The following EBF1 variants were observed in gnomAD, a reference collection of about 807,000 sequenced individuals.
EBF1 encodes the protein transcription factor COE1.
Under a neutral mutation model 68.4 loss-of-function variants are expected in EBF1, and 10 were observed. The ratio of observed to expected loss-of-function variants is 0.15; its 90% CI spans 0.09 to 0.25. The LOEUF (loss-of-function observed/expected upper bound fraction) is 0.25, where lower values mean the gene tolerates loss of function less well. Ranked by LOEUF, EBF1 falls within the 10% of genes least tolerant of loss-of-function variation. EBF1 has a pLI of 1.00. For synonymous variants in EBF1, 298 were observed against 299.8 expected, an observed-to-expected ratio of 0.99 and a Z score of 0.06; for missense variants, 509 against 794.4, an observed-to-expected ratio of 0.64 and a Z score of 4.32.
At chr5:158,969,726 A>G (rs1327003272) in intron 6 of EBF1, among the ~76,000 whole-genome samples, 1 of 151,408 alleles carries the variant, frequency 6.6e-6, no homozygotes, top group African/African-American at 2.4e-5. Context: ...AGTGAGCTGT[A>G]ATCGTGCCAC....
At position 158,699,033 on chromosome 5, in the gene EBF1, A is replaced by C; in HGVS notation, c.*78T>G. ...TAAAAAGGCCTGAGTTAAAAGTTCC[A>C]CTCTGGGACTTGTATCAGATTACTC... On this transcript the variant is annotated 3_prime_UTR_variant, in exon 16 of 16. Transcript: ENST00000313708. The C allele has an allele frequency of 7.3e-7, 1 of 1,376,630 alleles. No individual in the cohort carries two copies. Among genetic ancestry groups the C allele is most frequent in the Non-Finnish European group, 9.8e-7 (1 of 1,016,736 alleles). The allele number at this position is 1,376,630 out of a possible 1,614,324, so 85.3% of individuals were successfully genotyped here. A position where few individuals can be genotyped will look rare whatever the true frequency, so the allele number is the denominator to read the frequency against.
intron 6 of EBF1, chr5:158,984,681 C>CTTTTTTTTTT (rs869234197): frequency 1.0e-5 from 1 of 99,896 alleles, no homozygotes; most frequent in Non-Finnish European, 2.0e-5. Flanking sequence ...TGCTTTCTTC[C>CTTTTTTTTTT]TTTTTTTTTT....
chr5:159,076,962 A>G (rs1778885827), intron 5 of EBF1, among the ~76,000 whole-genome samples: 1 of 152,256 alleles, frequency 6.6e-6, no homozygotes, highest in Non-Finnish European at 1.5e-5. Context: ...AATGTACAGC[A>G]TATTGTGACT....
intron 6 of EBF1, 151 bp downstream of exon 6, chr5:159,073,245 A>G: frequency 1.4e-6 from 1 of 721,996 alleles, no homozygotes; most frequent in Non-Finnish European, 2.3e-6. Flanking sequence ...TGGCTTTCCC[A>G]GGAATCAAAA....
chr5:158,885,792 C>T (rs931358645), intron 6 of EBF1, among the ~76,000 whole-genome samples: 1 of 152,184 alleles, frequency 6.6e-6, no homozygotes, highest in African/African-American at 2.4e-5. Context: ...TGCCAAGCAC[C>T]GAAGGCTATG....
At chr5:158,798,416 T>G (rs1203520967) in intron 8 of EBF1, among the ~76,000 whole-genome samples, 1 of 152,190 alleles carries the variant, frequency 6.6e-6, no homozygotes, top group Non-Finnish European at 1.5e-5. Flanking sequence ...TTTTATTTTT[T>G]TAATCACACA....
chr5:159,097,235 C>T (rs916424795), intron 1 of EBF1, 105 bp from the exon 2 acceptor site: 4 of 1,321,168 alleles, frequency 3.0e-6, no homozygotes. Context: ...CTCCTCTTCC[C>T]CCAAAACATC....
At chr5:158,827,613 C>T (rs1308990462) in intron 7 of EBF1, among the ~76,000 whole-genome samples, 1 of 152,136 alleles carries the variant, frequency 6.6e-6, no homozygotes, top group Non-Finnish European at 1.5e-5. Context: ...CCCCTCTTCC[C>T]TTCATGTCAG....
At chr5:159,038,800 C>T (rs887872576) in intron 6 of EBF1, among the ~76,000 whole-genome samples, 5 of 152,116 alleles carry the variant, frequency 3.3e-5, no homozygotes, top group Non-Finnish European at 5.9e-5. Context: ...AGAAATTCCA[C>T]CCTAACTCTT....
At chr5:158,746,040 G>T (rs1313030449) in intron 10 of EBF1, among the ~76,000 whole-genome samples, 5 of 152,160 alleles carry the variant, frequency 3.3e-5, no homozygotes, top group Admixed American at 3.3e-4. Context: ...GGACATCATG[G>T]TTAAGTTTTT....
intron 6 of EBF1, among the ~76,000 whole-genome samples, chr5:158,961,801 C>A (rs1472683635): frequency 1.3e-5 from 2 of 152,142 alleles, no homozygotes; most frequent in Non-Finnish European, 2.9e-5. Context: ...CAGTGGAGGT[C>A]ATTTCTATTT....
chr5:158,762,048 G>A (rs921324453), intron 10 of EBF1, among the ~76,000 whole-genome samples: 30 of 152,238 alleles, frequency 2.0e-4, no homozygotes, highest in African/African-American at 7.0e-4. Context: ...AAGATAGCAG[G>A]ATATAGGGGC....
rs1328575092 is a variant in EBF1 at position 158,698,172 on chromosome 5, T to C, written c.*939A>G. The C allele has an allele frequency of 4.5e-5, 10 of 220,830 alleles. No individual in the cohort carries two copies. The East Asian group carries it at 6.5e-4, about 14-fold the overall frequency. 13.7% of individuals were successfully genotyped at this position (220,830 alleles called of 1,614,324 possible). On this transcript the variant is annotated 3_prime_UTR_variant, in exon 16 of 16. Transcript: ENST00000313708. ...CTTTAAACTTGCAAATGGGGGAGCG[T>C]ACGTGAGGTTTTGGCTTGTTAACTG...
chr5:158,788,077 A>G (rs1477988946), intron 9 of EBF1, among the ~76,000 whole-genome samples: 2 of 152,174 alleles, frequency 1.3e-5, no homozygotes, highest in Non-Finnish European at 2.9e-5. Flanking sequence ...ATTTTCACTA[A>G]TGCCTCAGAA....
chr5:158,975,714 G>A (rs139006649), intron 6 of EBF1, among the ~76,000 whole-genome samples: 362 of 152,330 alleles, frequency 2.4e-3, no homozygotes, highest in African/African-American at 8.2e-3. Context: ...ACAGCCACAT[G>A]AGAAACACTG....
intron 6 of EBF1, among the ~76,000 whole-genome samples, chr5:158,858,498 C>A (rs944633271): frequency 2.0e-5 from 3 of 152,180 alleles, no homozygotes; most frequent in Non-Finnish European, 4.4e-5. Flanking sequence ...TCCTTTGAAG[C>A]AGCAAAGTAT....
chr5:158,932,294 A>G (rs1811048012), intron 6 of EBF1, among the ~76,000 whole-genome samples: 1 of 152,260 alleles, frequency 6.6e-6, no homozygotes, highest in East Asian at 1.9e-4. Context: ...TCCACATGAT[A>G]CAATATTATA....
intron 4 of EBF1, among the ~76,000 whole-genome samples, chr5:159,093,302 A>G (rs1781983769): frequency 6.6e-6 from 1 of 152,206 alleles, no homozygotes; most frequent in African/African-American, 2.4e-5. Context: ...GAAAGCACAC[A>G]GGTAAGCTTT....
intron 6 of EBF1, among the ~76,000 whole-genome samples, chr5:158,881,587 T>A (rs781182511): frequency 2.2e-4 from 34 of 152,220 alleles, no homozygotes; most frequent in Non-Finnish European, 4.6e-4. Flanking sequence ...GTCTGAAGCC[T>A]GCAGACATTC....
Sources: allele counts gnomAD v4.1 joint callset (sites outside exome capture counted in the v4.1 genomes callset), GRCh38; gene constraint gnomAD v4.1.1; transcripts MANE v1.5; gene names NCBI Gene and HGNC (gene_info 2026-07-23, HGNC 2026-07-21).